The following SSU72 variants were observed in gnomAD, a reference collection of about 807,000 sequenced individuals.
The protein encoded by SSU72 is RNA polymerase II subunit A C-terminal domain phosphatase SSU72.
SSU72 carries 12 observed loss-of-function variants against 22.7 expected under a neutral mutation model. The observed-to-expected ratio is 0.53, with a 90% confidence interval of 0.34 to 0.86. The LOEUF (loss-of-function observed/expected upper bound fraction) is 0.86. SSU72 is among the 40% of genes least tolerant of loss of function. SSU72 has a pLI of 0.02. For synonymous variants in SSU72, 116 were observed against 98.3 expected (o/e 1.18, Z -1.06); for missense variants, 151 against 249.8 (o/e 0.60, Z 2.67).
intron 2 of SSU72, chr1:1,561,014 G>T (rs1432144194): frequency 6.6e-6 from 1 of 152,250 alleles, no homozygotes; most frequent in African/African-American, 2.4e-5. Flanking sequence ...GCAGATGGCA[G>T]TGGTGGGGTC....
In SSU72 at chr1:1,542,993, C is replaced by G. The variant is rs960352150; in HGVS notation, c.484-826G>C. Among the ~76,000 whole-genome samples the G allele has an allele frequency of 1.3e-5, 2 of 152,256 alleles. No homozygotes were observed. Among genetic ancestry groups the G allele is most frequent in the Non-Finnish European group, 2.9e-5 (2 of 68,044 alleles). On this transcript the variant is annotated intron_variant, in intron 4 of 4. Coordinates refer to ENST00000291386, the MANE Select transcript of SSU72 (RefSeq NM_014188.3). The surrounding 1 kb of genome is among the most constrained non-coding windows in gnomAD (Gnocchi z 4.4). ...CTCCCGGGCTTTCCAAACACACCAT[C>G]TTCTTTCTTGGTGAAGCTGTTCTGT...
chr1:1,573,057 G>A (rs1397776099), intron 1 of SSU72, among the ~76,000 whole-genome samples: 1 of 149,858 alleles, frequency 6.7e-6, no homozygotes, highest in Non-Finnish European at 1.5e-5. Context: ...GGGAGGCCGA[G>A]GCGGGCAGAT....
At chr1:1,548,729 G>A (rs567161024) in intron 2 of SSU72, among the ~76,000 whole-genome samples, 3 of 152,264 alleles carry the variant, frequency 2.0e-5, no homozygotes, top group East Asian at 1.9e-4. Context: ...CCCACTCTGC[G>A]TCCTCCCACT....
rs564976561 is a variant in SSU72, at chr1:1,558,830, T to G, written c.224+5943A>C. ...GCCAGCGGCTGTTGCCTGGACCCCCTCACTGGGCTGAGTGACACTTCACTA... is the reference window on the plus strand; with the variant it reads ...GCCAGCGGCTGTTGCCTGGACCCCCGCACTGGGCTGAGTGACACTTCACTA... On this transcript the variant is annotated intron_variant, in intron 2 of 4. Coordinates refer to ENST00000291386, the MANE Select transcript of SSU72 (RefSeq NM_014188.3). Among the ~76,000 whole-genome samples the G allele has an allele frequency of 3.9e-5, 6 of 152,228 alleles. No homozygotes were observed. In the South Asian group the frequency reaches 1.2e-3, roughly 32 times the overall value.
chr1:1,567,900 G>A (rs190975059), intron 1 of SSU72, among the ~76,000 whole-genome samples: 2,288 of 112,108 alleles, frequency 0.02, 67 homozygotes, highest in African/African-American at 0.086. Flanking sequence ...GAAACAGAGC[G>A]ATACTCTGTT....
rs1642502510 is a variant in SSU72 at position 1,554,919 on chromosome 1, T to C, written c.224+9854A>G. On this transcript the variant is annotated intron_variant, in intron 2 of 4. Transcript: ENST00000291386. This position sits in a 1 kb window ranked among gnomAD's most constrained non-coding sequence, Gnocchi z 4.1. The stretch of plus-strand genomic sequence containing the variant: ...GCAAACCGTGGCTGGCAGCAGAGAC[T>C]TCCTTGACGTCAAGTCTCCTGAAGG... Among the ~76,000 whole-genome samples, 1 of 152,126 alleles carries C rather than the reference T, an allele frequency of 6.6e-6. No individual in the cohort carries two copies. Among genetic ancestry groups the C allele is most frequent in the Non-Finnish European group, 1.5e-5 (1 of 68,012 alleles).
At chr1:1,555,824 C>T (rs928107201) in intron 2 of SSU72, among the ~76,000 whole-genome samples, 22 of 151,998 alleles carry the variant, frequency 1.4e-4, no homozygotes, top group African/African-American at 5.3e-4. Flanking sequence ...AGGGCGAAAC[C>T]TCATTTCTAC....
chr1:1,547,383 T>C (rs981724457), intron 2 of SSU72, among the ~76,000 whole-genome samples: 1 of 152,206 alleles, frequency 6.6e-6, no homozygotes, highest in East Asian at 1.9e-4. Context: ...TTAAGAATCA[T>C]TCAGTTAAGG....
chr1:1,560,255 G>T (rs1008884743), intron 2 of SSU72, among the ~76,000 whole-genome samples: 6 of 152,192 alleles, frequency 3.9e-5, no homozygotes, highest in Non-Finnish European at 7.3e-5. Context: ...CGCAATCACA[G>T]CTCAGTGAAG....
At chr1:1,570,451 G>A (rs1450389683) in intron 1 of SSU72, among the ~76,000 whole-genome samples, 4 of 151,522 alleles carry the variant, frequency 2.6e-5, no homozygotes, top group Admixed American at 2.0e-4. Flanking sequence ...CGTTACCCCC[G>A]AGACCCCAGT....
chr1:1,551,121 A>G (rs975870256), intron 2 of SSU72, among the ~76,000 whole-genome samples: 4 of 152,208 alleles, frequency 2.6e-5, no homozygotes, highest in Admixed American at 2.0e-4. Context: ...CCCCAGGCAA[A>G]GCCTAAAGCA....
chr1:1,549,094 C>G (rs1378333025), intron 2 of SSU72, among the ~76,000 whole-genome samples: 1 of 152,064 alleles, frequency 6.6e-6, no homozygotes, highest in African/African-American at 2.4e-5. Context: ...GGAATATTGT[C>G]TCATGCAACA....
At chr1:1,572,764 T>A (rs1642747250) in intron 1 of SSU72, among the ~76,000 whole-genome samples, 1 of 150,374 alleles carries the variant, frequency 6.7e-6, no homozygotes, top group Non-Finnish European at 1.5e-5. Flanking sequence ...GCCTACTCCA[T>A]CTTTGTTATG....
chr1:1,573,764 T>C (rs934281900), intron 1 of SSU72, among the ~76,000 whole-genome samples: 1 of 152,188 alleles, frequency 6.6e-6, no homozygotes, highest in Non-Finnish European at 1.5e-5. Flanking sequence ...AAAAAGCCAT[T>C]TCAACTTTCT....
chr1:1,570,907 C>T (rs1380995862), intron 1 of SSU72, among the ~76,000 whole-genome samples: 3 of 151,336 alleles, frequency 2.0e-5, no homozygotes, highest in Non-Finnish European at 4.4e-5. Context: ...GTCAGGAGAT[C>T]GAGACCACCC....
rs1642498358 is a variant in SSU72, at chr1:1,554,664, T to C, written c.225-9662A>G. Among the ~76,000 whole-genome samples the C allele has an allele frequency of 6.6e-6, 1 of 151,872 alleles. No homozygotes were observed. ...ACCCTGCTATGAGTCACCAGGGACT[T>C]GAAAGGGAACCCACAGGCACTGCCA... On this transcript the variant is annotated intron_variant, in intron 2 of 4. Transcript: ENST00000291386. This position sits in a 1 kb window ranked among gnomAD's most constrained non-coding sequence, Gnocchi z 4.1.
At chr1:1,555,615 G>A (rs899070664) in intron 2 of SSU72, among the ~76,000 whole-genome samples, 11 of 152,362 alleles carry the variant, frequency 7.2e-5, no homozygotes, top group African/African-American at 2.2e-4. Context: ...TGCACAGCAC[G>A]ATGCTCTGGG....
At chr1:1,570,217 C>T (rs772076443) in intron 1 of SSU72, among the ~76,000 whole-genome samples, 1 of 151,122 alleles carries the variant, frequency 6.6e-6, no homozygotes, top group Non-Finnish European at 1.5e-5. Context: ...TCGTTTTAGC[C>T]CAGATATTCA....
chr1:1,572,929 T>C (rs1212729134), intron 1 of SSU72, among the ~76,000 whole-genome samples: 1 of 151,818 alleles, frequency 6.6e-6, no homozygotes, highest in Non-Finnish European at 1.5e-5. Flanking sequence ...ATCAAATTTT[T>C]ACAGGTAACT....
Sources: gnomAD v4.1 joint callset for allele counts (sites outside exome capture counted in the v4.1 genomes callset) on GRCh38, gnomAD v4.1.1 for gene constraint, Gnocchi (gnomAD v3.1) non-coding constraint, MANE v1.5 for transcripts, NCBI Gene and HGNC (gene_info 2026-07-23, HGNC 2026-07-21) for gene names.